Variants in STARD13 observed in about 807,000 individuals in gnomAD.
STARD13 encodes stAR-related lipid transfer protein 13.
In STARD13, 62 loss-of-function variants were observed where a neutral mutation model predicts 106.4. That is an observed-to-expected ratio of 0.58 (90% CI 0.48 to 0.72). The LOEUF (loss-of-function observed/expected upper bound fraction) is 0.72. STARD13 is among the 30% of genes least tolerant of loss of function. STARD13 has a pLI of 0.00. For synonymous variants in STARD13, 565 were observed against 553.0 expected, an observed-to-expected ratio of 1.02 and a Z score of -0.31; for missense variants, 1,387 against 1,424.0, an observed-to-expected ratio of 0.97 and a Z score of 0.42.
At chr13:33,672,910 A>G in the STARD13 span, among the ~76,000 whole-genome samples, 1 of 152,218 alleles carries the variant, frequency 6.6e-6, no homozygotes, top group Non-Finnish European at 1.5e-5. Context: ...TCTGAATGCT[A>G]GGATCCATTG....
intron 1 of STARD13, among the ~76,000 whole-genome samples, chr13:33,244,029 T>C (rs1279650574): frequency 6.6e-6 from 1 of 151,844 alleles, no homozygotes; most frequent in African/African-American, 2.4e-5. Flanking sequence ...TTTTTTTTTT[T>C]TTAATATTTG....
At chr13:33,484,256 C>CA in the STARD13 span, among the ~76,000 whole-genome samples, 4 of 152,228 alleles carry the variant, frequency 2.6e-5, no homozygotes, top group Non-Finnish European at 5.9e-5. Context: ...AAAACTAAAA[C>CA]ATGGTCACAG....
At chr13:33,570,105 G>A in the STARD13 span, among the ~76,000 whole-genome samples, 2 of 147,850 alleles carry the variant, frequency 1.4e-5, no homozygotes, top group African/African-American at 5.0e-5. Flanking sequence ...GGAAATATCA[G>A]TGTGTGGCTA....
At chr13:33,674,679 A>C in the STARD13 span, among the ~76,000 whole-genome samples, 2 of 152,248 alleles carry the variant, frequency 1.3e-5, no homozygotes, top group East Asian at 3.8e-4. Flanking sequence ...CCAGAACCTG[A>C]GTGAATCTTT....
intron 1 of STARD13, among the ~76,000 whole-genome samples, chr13:33,328,885 G>T (rs1281964832): frequency 6.6e-6 from 1 of 152,232 alleles, no homozygotes; most frequent in Non-Finnish European, 1.5e-5. Flanking sequence ...GAATGCCACA[G>T]AGGGCCTGCT....
chr13:33,420,161 A>T, the STARD13 span, among the ~76,000 whole-genome samples: 12 of 152,246 alleles, frequency 7.9e-5, no homozygotes, highest in Non-Finnish European at 1.3e-4. Context: ...CAGACTGCCA[A>T]ATTGGATAAA....
At chr13:33,425,792 C>A in the STARD13 span, among the ~76,000 whole-genome samples, 1 of 152,144 alleles carries the variant, frequency 6.6e-6, no homozygotes, top group South Asian at 2.1e-4. Flanking sequence ...GGGAAGACTG[C>A]GAAGTTTGCT....
chr13:33,541,920 T>C, the STARD13 span, among the ~76,000 whole-genome samples: 1 of 152,190 alleles, frequency 6.6e-6, no homozygotes, highest in Non-Finnish European at 1.5e-5. Context: ...TCCTCCAAAA[T>C]TCAAAAGTGA....
At chr13:33,131,987 C>T (rs1004042715) in intron 4 of STARD13, among the ~76,000 whole-genome samples, 7 of 152,232 alleles carry the variant, frequency 4.6e-5, no homozygotes, top group African/African-American at 1.7e-4. Context: ...CTAGCGTCCA[C>T]TTTAACTCCC....
In STARD13 at chr13:33,106,888, G is replaced by C; in HGVS notation, c.3094C>G (p.Leu1032Val). ...TGGGCTTCCTCATGCTCCACGGAGA[G>C]GGACACCAGGGTACACATTCCTTTG... ...LPKGMCTLVS[L>V]SVEHEEAQLL... Residue 1032 changes from leucine (L) to valine (V), a missense_variant, in exon 13 of 14, where the codon CTC becomes GTC. Leu to Val is a conservative substitution (Grantham distance 32, BLOSUM62 1). Transcript: ENST00000336934. The C allele has an allele frequency of 4.3e-6, 7 of 1,614,130 alleles. No homozygotes were observed. The highest frequency in any genetic ancestry group is 5.9e-6 in the Non-Finnish European group (7 of 1,179,996).
intron 1 of STARD13, among the ~76,000 whole-genome samples, chr13:33,193,410 C>G (rs1179072995): frequency 6.6e-6 from 1 of 152,160 alleles, no homozygotes; most frequent in Non-Finnish European, 1.5e-5. Flanking sequence ...AGGTGAGAAA[C>G]AGTAACAATG....
intron 3 of STARD13, chr13:33,158,548 A>G (rs563657035): frequency 1.3e-5 from 2 of 152,362 alleles, no homozygotes; most frequent in South Asian, 4.1e-4. Context: ...TTTCAAATAC[A>G]TACATGAAAT....
intron 1 of STARD13, among the ~76,000 whole-genome samples, chr13:33,311,668 C>T (rs1209985845): frequency 2.0e-5 from 3 of 152,232 alleles, no homozygotes; most frequent in Non-Finnish European, 4.4e-5. Context: ...CTGAAGTTAT[C>T]CATCTCTCTG....
chr13:33,191,777 C>T (rs1180369933), intron 1 of STARD13, among the ~76,000 whole-genome samples: 1 of 152,208 alleles, frequency 6.6e-6, no homozygotes, highest in African/African-American at 2.4e-5. Flanking sequence ...ACTGATTGTT[C>T]ATTTTCAATT....
chr13:33,505,654 C>T, the STARD13 span, among the ~76,000 whole-genome samples: 2 of 152,086 alleles, frequency 1.3e-5, no homozygotes, highest in Admixed American at 6.6e-5. Context: ...AATTTTTTAT[C>T]CCCAACTTTC....
intron 1 of STARD13, among the ~76,000 whole-genome samples, chr13:33,320,029 A>G (rs1306181576): frequency 3.9e-5 from 6 of 152,172 alleles, no homozygotes; most frequent in Admixed American, 2.0e-4. Flanking sequence ...AGGATTGCCT[A>G]CTGTTGTAAA....
At chr13:33,350,278 C>CG in intron 1 of STARD13, 1 of 1,528,082 alleles carries the variant, frequency 6.5e-7, no homozygotes. Flanking sequence ...GCGGCGTCTC[C>CG]GGGGCACTGA....
chr13:33,499,547 T>G, the STARD13 span, among the ~76,000 whole-genome samples: 9 of 55,282 alleles, frequency 1.6e-4, no homozygotes, highest in Admixed American at 6.2e-4. Context: ...CTTCTTCTTC[T>G]TCTTCTTCTT....
the STARD13 span, among the ~76,000 whole-genome samples, chr13:33,519,572 C>A: frequency 2.0e-5 from 3 of 151,898 alleles, no homozygotes; most frequent in African/African-American, 7.3e-5. Flanking sequence ...AGAGTTGAAC[C>A]CAATCTCTTC....
Sources: gnomAD v4.1 joint callset for allele counts (sites outside exome capture counted in the v4.1 genomes callset) on GRCh38, gnomAD v4.1.1 for gene constraint, MANE v1.5 for transcripts, NCBI Gene and HGNC (gene_info 2026-07-23, HGNC 2026-07-21) for gene names.